Variants in SF3B2 observed in about 807,000 individuals in gnomAD.
SF3B2 encodes the protein splicing factor 3b subunit 2.
In SF3B2, 22 loss-of-function variants were observed where a neutral mutation model predicts 116.3. The ratio of observed to expected loss-of-function variants is 0.19; its 90% CI spans 0.14 to 0.27. The LOEUF is 0.27. Among genes scored for constraint, SF3B2 ranks in the 10% least tolerant of loss-of-function variants. SF3B2 has a pLI of 1.00. For synonymous variants in SF3B2, 406 were observed against 421.6 expected, an observed-to-expected ratio of 0.96 and a Z score of 0.45; for missense variants, 767 against 1,151.4, an observed-to-expected ratio of 0.67 and a Z score of 4.83.
rs1856979888 is a variant in SF3B2 at position 66,055,571 on chromosome 11, G to GAGC, written c.541_543dup (p.Gln181dup). On this transcript the variant is annotated inframe_insertion, in exon 5 of 22. Coordinates refer to ENST00000322535, the MANE Select transcript of SF3B2 (RefSeq NM_006842.3). ...TTCGCTGAAGGAACATGAGCTCTTG[G>GAGC]AGCAGCAGAAGCGGGTAATACCCCT... 1 of 1,614,198 alleles carries GAGC rather than the reference G, an allele frequency of 6.2e-7. No individual in the cohort carries two copies. The highest frequency in any genetic ancestry group is 8.5e-7 in the Non-Finnish European group (1 of 1,180,038).
intron 17 of SF3B2, 132 bp from the exon 18 acceptor site, chr11:66,063,267 CT>C: frequency 9.5e-7 from 1 of 1,054,570 alleles, no homozygotes; most frequent in Non-Finnish European, 1.4e-6. Context: ...ATGTAAGCTC[CT>C]CACTAGAATT....
intron 6 of SF3B2, 38 bp downstream of exon 6, chr11:66,056,993 G>A (rs1329739009): frequency 2.1e-6 from 3 of 1,457,058 alleles, no homozygotes; most frequent in South Asian, 1.1e-5. Flanking sequence ...CAAGGAAGGT[G>A]ATTTAGACAT....
intron 3 of SF3B2, 59 bp downstream of exon 3, chr11:66,053,163 G>A: frequency 6.7e-7 from 1 of 1,500,232 alleles, no homozygotes; most frequent in South Asian, 1.1e-5. Context: ...TAGTTCATGA[G>A]CATGATGATT....
chr11:66,058,951 C>G lies in SF3B2; in HGVS notation c.1088C>G (p.Pro363Arg). ...DSTRSRGSDSPAADVEIEYVT... is the reference protein window; with the variant it reads ...DSTRSRGSDSRAADVEIEYVT... ...ACCCGGTCCCGTGGCTCTGATTCCC[C>G]AGCAGCTGATGTTGAGATTGAGTAT... is the stretch of plus-strand genomic sequence containing the variant. Residue 363 changes from proline (P) to arginine (R), a missense_variant, in exon 10 of 22, where the codon CCA becomes CGA. Pro to Arg is a moderately radical substitution (Grantham distance 103, BLOSUM62 -2). Around this residue, in one of 4 missense-constraint regions of SF3B2, gnomAD observed 455 missense variants for 537.5 expected, o/e 0.85. Transcript: ENST00000322535. 2 of 1,614,182 alleles carry G rather than the reference C, an allele frequency of 1.2e-6. No homozygotes were observed.
At chr11:66,056,330 G>T (rs994124249) in intron 5 of SF3B2, among the ~76,000 whole-genome samples, 1 of 149,548 alleles carries the variant, frequency 6.7e-6, no homozygotes, top group African/African-American at 2.5e-5. Context: ...AGCTGGGGAG[G>T]CCGAGGTTGC....
At chr11:66,067,652 C>A (rs1857211351) in intron 19 of SF3B2, 2 of 482,762 alleles carry the variant, frequency 4.1e-6, no homozygotes, top group African/African-American at 3.9e-5. Flanking sequence ...CTTTTGGAAA[C>A]TTTGAGCCTC....
chr11:66,061,814 G>A, intron 15 of SF3B2, 39 bp downstream of exon 15: 1 of 1,605,990 alleles, frequency 6.2e-7, no homozygotes, highest in African/African-American at 1.3e-5. Flanking sequence ...CAGCGAAGAG[G>A]CTGGTGGGGA....
At chr11:66,060,114 G>C in intron 13 of SF3B2, 105 bp downstream of exon 13, 2 of 969,998 alleles carry the variant, frequency 2.1e-6, no homozygotes, top group Admixed American at 4.4e-5. Flanking sequence ...CCACCTACTT[G>C]TTACTTGTCT....
chr11:66,058,282 G>C (rs370687007), intron 8 of SF3B2, 32 bp from the exon 9 acceptor site: 4 of 1,600,892 alleles, frequency 2.5e-6, no homozygotes, highest in Non-Finnish European at 3.4e-6. Flanking sequence ...CAGTGGCACC[G>C]TGAAGACTCA....
intron 19 of SF3B2, chr11:66,067,253 G>A (rs377683433): frequency 5.4e-6 from 2 of 369,442 alleles, no homozygotes; most frequent in Non-Finnish European, 5.3e-6. Flanking sequence ...CTTGGGTAAG[G>A]GACCAGGCTA....
intron 18 of SF3B2, 42 bp downstream of exon 18, chr11:66,063,584 T>G: frequency 6.2e-7 from 1 of 1,610,752 alleles, no homozygotes; most frequent in Non-Finnish European, 8.5e-7. Flanking sequence ...GGGCTATCTT[T>G]GGGGTCCTTC....
At chr11:66,055,929 C>T (rs935334055) in intron 5 of SF3B2, 10 of 277,634 alleles carry the variant, frequency 3.6e-5, no homozygotes, top group African/African-American at 1.8e-4. Context: ...GACCTCTGCT[C>T]GCCTTACATG....
chr11:66,063,587 G>A (rs1370149381), intron 18 of SF3B2, 41 bp from the exon 19 acceptor site: 2 of 1,610,552 alleles, frequency 1.2e-6, no homozygotes, highest in Admixed American at 1.7e-5. Context: ...CTATCTTTGG[G>A]GTCCTTCTCT....
rs750805181 is a variant in SF3B2, at chr11:66,052,405, G to T, written c.21G>T (p.Glu7Asp). The change falls in exon 1 of 22, where the codon GAG becomes GAT. Residue 7 changes from glutamate (E) to aspartate (D), a missense_variant. Transcript: ENST00000322535. ...CTAAGATGGCGACGGAGCATCCCGAGCCTCCCAAAGCAGAATTGCAGCTGC... is the reference window on the plus strand; with the variant it reads ...CTAAGATGGCGACGGAGCATCCCGATCCTCCCAAAGCAGAATTGCAGCTGC... MATEHPEPPKAELQLPP... is the reference protein window; with the variant it reads MATEHPDPPKAELQLPP... 1 of 1,612,128 alleles carries T rather than the reference G, an allele frequency of 6.2e-7. No individual in the cohort carries two copies. Among genetic ancestry groups the T allele is most frequent in the South Asian group, 1.1e-5 (1 of 90,990 alleles).
intron 5 of SF3B2, 23 bp downstream of exon 5, chr11:66,055,608 T>C: frequency 6.2e-7 from 1 of 1,612,948 alleles, no homozygotes; most frequent in Non-Finnish European, 8.5e-7. Flanking sequence ...CCCCTAACCT[T>C]TGACCTCGTG....
chr11:66,066,421 G>A (rs1241971613), intron 19 of SF3B2: 1 of 152,248 alleles, frequency 6.6e-6, no homozygotes, highest in Non-Finnish European at 1.5e-5. Flanking sequence ...TGGGATTACA[G>A]GTGTGAGCCA....
At chr11:66,055,698 A>G in intron 5 of SF3B2, 113 bp downstream of exon 5, 1 of 903,568 alleles carries the variant, frequency 1.1e-6, no homozygotes, top group Non-Finnish European at 1.7e-6. Context: ...GTTCTCAACT[A>G]AGTTCTAGTA....
rs373917285 is a variant in SF3B2, at chr11:66,068,474, A to G, written c.2616+141A>G. 1.0e-4 allele frequency: 102 copies of G among 1,000,556 alleles called. 3 individuals are homozygous for G. The East Asian group carries it at 1.4e-3, about 14-fold the overall frequency. 62.0% of individuals were successfully genotyped at this position (1,000,556 alleles called of 1,614,324 possible). A position where few individuals can be genotyped will look rare whatever the true frequency, so the allele number is the denominator to read the frequency against. On this transcript the variant is annotated intron_variant, in intron 21 of 21. Coordinates refer to ENST00000322535, the MANE Select transcript of SF3B2 (RefSeq NM_006842.3). ...GTGCTTCCTTAGATTTGGAAGTCTT[A>G]GAAATCCTCCAGTGGGCTGCCCTCT...
intron 19 of SF3B2, 105 bp from the exon 20 acceptor site, chr11:66,067,841 G>T (rs1244456512): frequency 1.9e-5 from 16 of 834,290 alleles, no homozygotes; most frequent in Non-Finnish European, 2.9e-5. Context: ...GAGCTCAGAA[G>T]CTCTCCAAGG....
Sources: gnomAD v4.1 joint callset for allele counts (sites outside exome capture counted in the v4.1 genomes callset) on GRCh38, gnomAD v4.1.1 for gene constraint, gnomAD v4.1.1 regional missense constraint, MANE v1.5 for transcripts, NCBI Gene and HGNC (gene_info 2026-07-23, HGNC 2026-07-21) for gene names.